Variants in APOBEC3C observed in about 807,000 individuals in gnomAD.
APOBEC3C encodes the protein apolipoprotein B mRNA editing enzyme catalytic subunit 3C.
A neutral mutation model predicts 20.6 loss-of-function variants in APOBEC3C; 14 were observed. The ratio of observed to expected loss-of-function variants is 0.68; its 90% CI spans 0.45 to 1.06. The LOEUF is 1.06. APOBEC3C is among the 50% of genes least tolerant of loss of function. The probability of loss-of-function intolerance (pLI) is 0.00; values close to 1 mark genes in which losing one functional copy is unlikely to be tolerated. For synonymous variants in APOBEC3C, 98 were observed against 88.8 expected (o/e 1.10, Z -0.58); for missense variants, 244 against 241.9 (o/e 1.01, Z -0.06).
Position 39,019,822 on chromosome 22 carries a change from T to TTTTTTTA in APOBEC3C, c.*1435_*1436insTTTTTTA, listed in dbSNP as rs869093816. ...TCTTTTTTTTTTTTTTTTTTTTTTT[T>TTTTTTTA]GAGACAGAGTGTTGCTCCTCTTGTC... On this transcript the variant is annotated 3_prime_UTR_variant, in exon 4 of 4. Coordinates refer to ENST00000361441, the MANE Select transcript of APOBEC3C (RefSeq NM_014508.3). The TTTTTTTA allele has an allele frequency of 1.4e-5, 2 of 147,900 alleles. No homozygotes were observed. Among genetic ancestry groups the TTTTTTTA allele is most frequent in the African/African-American group, 2.6e-5 (1 of 39,106 alleles). 9.2% of individuals were successfully genotyped at this position (147,900 alleles called of 1,614,324 possible).
At position 39,015,822 on chromosome 22, in the gene APOBEC3C, A is replaced by T. The variant is rs1924760719; in HGVS notation, c.174+71A>T. The T allele has an allele frequency of 4.0e-6, 6 of 1,510,452 alleles. No homozygotes were observed. In the East Asian group the frequency reaches 1.4e-4, roughly 35 times the overall value. The allele number at this position is 1,510,452 out of a possible 1,614,324, so 93.6% of individuals were successfully genotyped here. On this transcript the variant is annotated intron_variant, in intron 2 of 3. Coordinates refer to ENST00000361441, the MANE Select transcript of APOBEC3C (RefSeq NM_014508.3). The stretch of plus-strand genomic sequence containing the variant: ...TGGGAATGCAGAAAACGCAACAATA[A>T]GTGATGTGCCCGGCGTGGGCTCTCC...
At chr22:39,017,642 A>T in intron 2 of APOBEC3C, 124 bp from the exon 3 acceptor site, 1 of 1,291,784 alleles carries the variant, frequency 7.7e-7, no homozygotes, top group Non-Finnish European at 1.1e-6. Context: ...ACCCTGTCTC[A>T]AAAATGAGTA....
chr22:39,018,116 T>C (rs1189670491), intron 3 of APOBEC3C, 71 bp downstream of exon 3: 9 of 1,588,124 alleles, frequency 5.7e-6, no homozygotes, highest in Non-Finnish European at 6.9e-6. Flanking sequence ...TCTCCAATGC[T>C]GTGGGGCGGG....
chr22:39,017,642 A>C, intron 2 of APOBEC3C, 124 bp from the exon 3 acceptor site: 1 of 1,291,784 alleles, frequency 7.7e-7, no homozygotes, highest in Non-Finnish European at 1.1e-6. Flanking sequence ...ACCCTGTCTC[A>C]AAAATGAGTA....
intron 2 of APOBEC3C, among the ~76,000 whole-genome samples, chr22:39,017,159 G>A (rs921976799): frequency 1.3e-5 from 2 of 152,076 alleles, no homozygotes; most frequent in Non-Finnish European, 2.9e-5. Context: ...TTGAACCTGG[G>A]AGGCAGAGGT....
rs1603273750 is a variant in APOBEC3C, at chr22:39,018,466, C to T, written c.*79C>T. On this transcript the variant is annotated 3_prime_UTR_variant, in exon 4 of 4. Coordinates refer to ENST00000361441, the MANE Select transcript of APOBEC3C (RefSeq NM_014508.3). ...ACGGGCCTCCCCTCCACCCTGGACC[C>T]GCTCTGTTTCTGCCTGGTCATCCTG... 29 of 1,514,502 alleles carry T rather than the reference C, an allele frequency of 1.9e-5. No individual in the cohort carries two copies. Among genetic ancestry groups the T allele is most frequent in the Middle Eastern group, 2.0e-4 (1 of 5,014 alleles). The allele number at this position is 1,514,502 out of a possible 1,614,324, so 93.8% of individuals were successfully genotyped here.
intron 2 of APOBEC3C, among the ~76,000 whole-genome samples, chr22:39,016,986 C>A (rs774119389): frequency 6.6e-6 from 1 of 152,228 alleles, no homozygotes; most frequent in Non-Finnish European, 1.5e-5. Flanking sequence ...GTAATCCCAG[C>A]ACTTTGGGAG....
At chr22:39,018,088 G>A (rs768246439) in intron 3 of APOBEC3C, 43 bp downstream of exon 3, 2 of 1,603,870 alleles carry the variant, frequency 1.2e-6, no homozygotes, top group Admixed American at 3.3e-5. Context: ...AGGAGGGACA[G>A]CATGAGGGGC....
At position 39,018,595 on chromosome 22, in the gene APOBEC3C, G is replaced by A; in HGVS notation, c.*208G>A. The A allele has an allele frequency of 1.9e-6, 1 of 528,456 alleles. No homozygotes were observed. The highest frequency in any genetic ancestry group is 3.2e-6 in the Non-Finnish European group (1 of 308,894). The allele number at this position is 528,456 out of a possible 1,614,324, so 32.7% of individuals were successfully genotyped here. Reference sequence around the variant, plus strand: ...GCAGAGGCTCCTTTCTGCCTCCATGGCTATCCATCCACCCCCACAGACCCC... The same window carrying A: ...GCAGAGGCTCCTTTCTGCCTCCATGACTATCCATCCACCCCCACAGACCCC... On this transcript the variant is annotated 3_prime_UTR_variant, in exon 4 of 4. Transcript: ENST00000361441.
chr22:39,018,547 C>A lies in APOBEC3C; in HGVS notation c.*160C>A. The A allele has an allele frequency of 1.3e-6, 1 of 789,996 alleles. No individual in the cohort carries two copies. The highest frequency in any genetic ancestry group is 2.0e-6 in the Non-Finnish European group (1 of 501,528). 48.9% of individuals were successfully genotyped at this position (789,996 alleles called of 1,614,324 possible). ...GTGCTCCCCTGCCTCACCGCTTCCT[C>A]CTCGCTCTTCCAGACTCTTCCTGCA... On this transcript the variant is annotated 3_prime_UTR_variant, in exon 4 of 4. Coordinates refer to ENST00000361441, the MANE Select transcript of APOBEC3C (RefSeq NM_014508.3).
At position 39,018,529 on chromosome 22, in the gene APOBEC3C, C is replaced by T. The variant is rs1254632180; in HGVS notation, c.*142C>T. On this transcript the variant is annotated 3_prime_UTR_variant, in exon 4 of 4. Coordinates refer to ENST00000361441, the MANE Select transcript of APOBEC3C (RefSeq NM_014508.3). Reference sequence around the variant, plus strand: ...CCTCAGGGCCATTCCACAGTGCTCCCCTGCCTCACCGCTTCCTCCTCGCTC... The same window carrying T: ...CCTCAGGGCCATTCCACAGTGCTCCTCTGCCTCACCGCTTCCTCCTCGCTC... The T allele has an allele frequency of 2.1e-6, 2 of 944,478 alleles. No homozygotes were observed. The highest frequency in any genetic ancestry group is 2.5e-5 in the East Asian group (1 of 39,536). 58.5% of individuals were successfully genotyped at this position (944,478 alleles called of 1,614,324 possible).
rs572764602 is a variant in APOBEC3C at position 39,017,432 on chromosome 22, G to C, written c.175-334G>C. On this transcript the variant is annotated intron_variant, in intron 2 of 3. Transcript: ENST00000361441. ...GCAGGAGGATCGCTTGAGCCCAAGA[G>C]TTCAAGATCAGCCTGGGCAACATGG... is the stretch of plus-strand genomic sequence containing the variant. 2.2e-3 allele frequency among the ~76,000 whole-genome samples: 336 copies of C among 152,170 alleles called. 1 individual carries two copies. Among genetic ancestry groups the C allele is most frequent in the African/African-American group, 7.7e-3 (318 of 41,528 alleles).
At position 39,017,878 on chromosome 22, in the gene APOBEC3C, C is replaced by G. The variant is rs1293384400; in HGVS notation, c.287C>G (p.Pro96Arg). The G allele has an allele frequency of 1.8e-5, 29 of 1,614,076 alleles. No individual in the cohort carries two copies. The highest frequency in any genetic ancestry group is 2.4e-5 in the Non-Finnish European group (28 of 1,180,034). ...GTCACCTGGTACACATCTTGGAGCC[C>G]TTGCCCAGACTGTGCAGGGGAGGTG... ...YQVTWYTSWS[P>R]CPDCAGEVAE... Residue 96 changes from proline to arginine, a missense_variant, in exon 3 of 4, where the codon CCT becomes CGT. Transcript: ENST00000361441.
rs57093395 is a variant in APOBEC3C at position 39,015,874 on chromosome 22, A to ATT, written c.174+141_174+142dup. ...GTGTGCACTTTCCTGCCACATTTCT[A>ATT]TTTTTTTTTTTTTTTTTTTGAGATG... On this transcript the variant is annotated intron_variant, in intron 2 of 3. Coordinates refer to ENST00000361441, the MANE Select transcript of APOBEC3C (RefSeq NM_014508.3). The ATT allele has an allele frequency of 8.7e-3, 4,728 of 543,378 alleles. 54 individuals are homozygous for ATT. The highest frequency in any genetic ancestry group is 0.047 in the African/African-American group (1,896 of 40,250). The allele number at this position is 543,378 out of a possible 1,614,324, so 33.7% of individuals were successfully genotyped here. A position where few individuals can be genotyped will look rare whatever the true frequency, so the allele number is the denominator to read the frequency against.
intron 2 of APOBEC3C, among the ~76,000 whole-genome samples, chr22:39,017,116 C>T (rs1037024618): frequency 2.6e-5 from 4 of 152,062 alleles, no homozygotes; most frequent in African/African-American, 7.2e-5. Context: ...CCTGTAGTCC[C>T]AGCTACTCAG....
intron 2 of APOBEC3C, 117 bp downstream of exon 2, chr22:39,015,868 A>C: frequency 3.4e-6 from 3 of 874,640 alleles, no homozygotes; most frequent in Non-Finnish European, 3.2e-6. Flanking sequence ...TTCCTGCCAC[A>C]TTTCTATTTT....
At position 39,018,611 on chromosome 22, in the gene APOBEC3C, C is replaced by G. The variant is rs551996796; in HGVS notation, c.*224C>G. The G allele has an allele frequency of 1.7e-5, 8 of 459,614 alleles. No homozygotes were observed. Among genetic ancestry groups the G allele is most frequent in the South Asian group, 3.0e-5 (1 of 33,658 alleles). 28.5% of individuals were successfully genotyped at this position (459,614 alleles called of 1,614,324 possible). A position where few individuals can be genotyped will look rare whatever the true frequency, so the allele number is the denominator to read the frequency against. Reference sequence around the variant, plus strand: ...GCCTCCATGGCTATCCATCCACCCCCACAGACCCCGTTCCTCCAGCCTGCG... The same window carrying G: ...GCCTCCATGGCTATCCATCCACCCCGACAGACCCCGTTCCTCCAGCCTGCG... On this transcript the variant is annotated 3_prime_UTR_variant, in exon 4 of 4. Transcript: ENST00000361441.
intron 2 of APOBEC3C, among the ~76,000 whole-genome samples, chr22:39,016,383 T>TTC (rs1240780571): frequency 2.5e-4 from 36 of 142,866 alleles, no homozygotes; most frequent in African/African-American, 8.9e-4. Flanking sequence ...CTTTTTTTCT[T>TTC]TTTTTTTTTT....
rs769837163 is a variant in APOBEC3C at position 39,017,809 on chromosome 22, C to T, written c.218C>T (p.Ser73Phe). The T allele has an allele frequency of 3.7e-6, 6 of 1,613,880 alleles. No homozygotes were observed. In the South Asian group the frequency reaches 6.6e-5, roughly 18 times the overall value. Residue 73 changes from serine (S) to phenylalanine (F), a missense_variant, in exon 3 of 4, where the codon TCT (serine) becomes TTT (phenylalanine). Ser to Phe is a radical substitution (Grantham distance 155). Coordinates refer to ENST00000361441, the MANE Select transcript of APOBEC3C (RefSeq NM_014508.3). ...TGTCATGCAGAAAGGTGCTTCCTCTCTTGGTTCTGCGACGACATACTGTCT... is the reference window on the plus strand; with the variant it reads ...TGTCATGCAGAAAGGTGCTTCCTCTTTTGGTTCTGCGACGACATACTGTCT... Reference protein sequence around the residue: ...THCHAERCFLSWFCDDILSPN... With the variant: ...THCHAERCFLFWFCDDILSPN...
Sources: allele counts gnomAD v4.1 joint callset (sites outside exome capture counted in the v4.1 genomes callset), GRCh38; gene constraint gnomAD v4.1.1; transcripts MANE v1.5; gene names NCBI Gene and HGNC (gene_info 2026-07-23, HGNC 2026-07-21).